The following TNIK variants were observed in gnomAD, a reference collection of about 807,000 sequenced individuals.
TNIK encodes TRAF2 and NCK interacting kinase.
A neutral mutation model predicts 191.3 loss-of-function variants in TNIK; 49 were observed. The ratio of observed to expected loss-of-function variants is 0.26; its 90% confidence interval spans 0.20 to 0.32. The LOEUF is 0.32. TNIK is among the 10% of genes least tolerant of loss of function. TNIK has a pLI of 1.00. For synonymous variants in TNIK, 594 were observed against 600.9 expected, an observed-to-expected ratio of 0.99 and a Z score of 0.17; for missense variants, 1,155 against 1,702.3, an observed-to-expected ratio of 0.68 and a Z score of 5.66.
At chr3:171,339,902 A>T (rs978047952) in intron 2 of TNIK, among the ~76,000 whole-genome samples, 1 of 152,224 alleles carries the variant, frequency 6.6e-6, no homozygotes, top group East Asian at 1.9e-4. Flanking sequence ...CCTCTGCCTT[A>T]TTAGGCTGTG....
At chr3:171,199,330 T>A (rs1363041581) in intron 4 of TNIK, among the ~76,000 whole-genome samples, 1 of 152,142 alleles carries the variant, frequency 6.6e-6, no homozygotes, top group Admixed American at 6.6e-5. Context: ...CTCATCACAT[T>A]AATAAACAGA....
intron 12 of TNIK, among the ~76,000 whole-genome samples, chr3:171,143,428 TG>T (rs1731119070): frequency 6.6e-6 from 1 of 152,198 alleles, no homozygotes; most frequent in Admixed American, 6.5e-5. Context: ...GCAAGGCCAG[TG>T]CTTGATTTCT....
intron 2 of TNIK, among the ~76,000 whole-genome samples, chr3:171,294,424 C>T (rs560151035): frequency 6.6e-6 from 1 of 151,528 alleles, no homozygotes; most frequent in East Asian, 1.9e-4. Flanking sequence ...ACTCTGTCTC[C>T]AAATAATAAT....
At chr3:171,070,507 T>C (rs962512841) in intron 29 of TNIK, among the ~76,000 whole-genome samples, 1 of 151,832 alleles carries the variant, frequency 6.6e-6, no homozygotes, top group Non-Finnish European at 1.5e-5. Flanking sequence ...AGAAGATAAG[T>C]TCACTTGGGC....
chr3:171,071,367 C>G, intron 28 of TNIK, 44 bp from the exon 29 acceptor site: 1 of 1,354,598 alleles, frequency 7.4e-7, no homozygotes, highest in Non-Finnish European at 1.0e-6. Flanking sequence ...TCAATTTACT[C>G]AAGTTCTTTG....
chr3:171,066,783 A>G, intron 30 of TNIK, 48 bp from the exon 31 acceptor site: 1 of 1,571,424 alleles, frequency 6.4e-7, no homozygotes, highest in Non-Finnish European at 8.7e-7. Context: ...AAAATAAAAC[A>G]CCTTGACTAT....
chr3:171,074,370 G>A (rs977762172), intron 28 of TNIK, among the ~76,000 whole-genome samples: 2 of 151,964 alleles, frequency 1.3e-5, no homozygotes, highest in Non-Finnish European at 2.9e-5. Flanking sequence ...AAAGGGGAGT[G>A]GCAGGTTAAG....
chr3:171,163,775 T>G (rs1188495378), intron 10 of TNIK, among the ~76,000 whole-genome samples: 1 of 152,214 alleles, frequency 6.6e-6, no homozygotes, highest in African/African-American at 2.4e-5. Flanking sequence ...GGTAAATCCT[T>G]CATTTGTCAG....
chr3:171,335,600 CTCAT>C (rs1306945687), intron 2 of TNIK, among the ~76,000 whole-genome samples: 2 of 152,130 alleles, frequency 1.3e-5, no homozygotes, highest in East Asian at 3.8e-4. Context: ...GTATCAGTAG[CTCAT>C]TCATTTTTAT....
chr3:171,450,424 T>C lies in TNIK; in HGVS notation c.57+9583A>G, dbSNP rs565658198. ...TGTGTTGTGGGAATGACTGATTCACTAAGATGTCCAGGATGTTGGCAATCC... is the reference window on the plus strand; with the variant it reads ...TGTGTTGTGGGAATGACTGATTCACCAAGATGTCCAGGATGTTGGCAATCC... On this transcript the variant is annotated intron_variant, in intron 1 of 32. Coordinates refer to ENST00000436636, the MANE Select transcript of TNIK (RefSeq NM_015028.4). Among the ~76,000 whole-genome samples the C allele has an allele frequency of 8.4e-3, 1,284 of 152,298 alleles. 22 individuals are homozygous for C. The highest frequency in any genetic ancestry group is 0.029 in the African/African-American group (1,198 of 41,552).
rs549953520 is a variant in TNIK at position 171,105,393 on chromosome 3, G to A, written c.2406+1790C>T. ...CCACTGCCTGCTACTCTGAAGTGGT[G>A]ACAACCAAAACTGTCTCCAGATTTT... On this transcript the variant is annotated intron_variant, in intron 21 of 32. Coordinates refer to ENST00000436636, the MANE Select transcript of TNIK (RefSeq NM_015028.4). Among the ~76,000 whole-genome samples the A allele has an allele frequency of 1.1e-4, 16 of 152,282 alleles. No individual in the cohort carries two copies. The South Asian group carries it at 3.3e-3, about 32-fold the overall frequency.
At position 171,295,632 on chromosome 3, in the gene TNIK, G is replaced by A. The variant is rs1029692029; in HGVS notation, c.124-67411C>T. Among the ~76,000 whole-genome samples the A allele has an allele frequency of 8.5e-5, 13 of 152,366 alleles. 1 individual carries two copies. In the South Asian group the frequency reaches 2.3e-3, roughly 27 times the overall value. ...ACTTGAAAAAGTAGCCAGTGTTCATGTTAATTGAAAGCTCTTTCTTCCTTC... is the reference window on the plus strand; with the variant it reads ...ACTTGAAAAAGTAGCCAGTGTTCATATTAATTGAAAGCTCTTTCTTCCTTC... On this transcript the variant is annotated intron_variant, in intron 2 of 32. Coordinates refer to ENST00000436636, the MANE Select transcript of TNIK (RefSeq NM_015028.4).
intron 1 of TNIK, among the ~76,000 whole-genome samples, chr3:171,390,311 A>G (rs1220550193): frequency 2.0e-5 from 3 of 152,202 alleles, no homozygotes; most frequent in Non-Finnish European, 4.4e-5. Flanking sequence ...ACCTTCACTC[A>G]GTGTTAATTA....
intron 27 of TNIK, among the ~76,000 whole-genome samples, chr3:171,081,580 G>C (rs138165337): frequency 6.8e-6 from 1 of 147,962 alleles, no homozygotes; most frequent in Non-Finnish European, 1.5e-5. Context: ...GGGAAGTGAC[G>C]GGTGTTACTC....
At chr3:171,100,897 A>C (rs988312408) in intron 22 of TNIK, among the ~76,000 whole-genome samples, 1 of 152,178 alleles carries the variant, frequency 6.6e-6, no homozygotes, top group African/African-American at 2.4e-5. Flanking sequence ...CAGAAAAAGA[A>C]GCCATGAAGG....
chr3:171,337,311 T>A (rs1197217345), intron 2 of TNIK, among the ~76,000 whole-genome samples: 1 of 152,168 alleles, frequency 6.6e-6, no homozygotes, highest in Non-Finnish European at 1.5e-5. Context: ...GGAGTGATAG[T>A]CTGTGCTTCC....
At chr3:171,139,382 A>ACACGCG (rs1172378241) in intron 14 of TNIK, 88 bp downstream of exon 14, 6 of 738,842 alleles carry the variant, frequency 8.1e-6, no homozygotes, top group African/African-American at 4.4e-5. Context: ...ACGCGCGCAC[A>ACACGCG]CACACACACA....
chr3:171,369,933 T>C (rs771655647), intron 1 of TNIK, among the ~76,000 whole-genome samples: 5 of 152,324 alleles, frequency 3.3e-5, no homozygotes, highest in African/African-American at 4.8e-5. Flanking sequence ...CAAAAGGAGA[T>C]GCTTTTTCAA....
At chr3:171,345,596 G>A (rs983385335) in intron 2 of TNIK, among the ~76,000 whole-genome samples, 1 of 151,924 alleles carries the variant, frequency 6.6e-6, no homozygotes, top group Non-Finnish European at 1.5e-5. Flanking sequence ...GTGGGAACTC[G>A]ACCTTCACCC....
Sources: gnomAD v4.1 joint callset for allele counts (sites outside exome capture counted in the v4.1 genomes callset) on GRCh38, gnomAD v4.1.1 for gene constraint, MANE v1.5 for transcripts, NCBI Gene and HGNC (gene_info 2026-07-23, HGNC 2026-07-21) for gene names.